ZNF560: variants seen among roughly 807,000 people sequenced by gnomAD.
ZNF560 encodes the protein zinc finger protein 560.
Under a neutral mutation model 81.8 loss-of-function variants are expected in ZNF560, and 54 were observed. That is an observed-to-expected ratio of 0.66 (90% confidence interval 0.53 to 0.83). ZNF560 has a LOEUF of 0.83. ZNF560 is among the 40% of genes least tolerant of loss of function. The pLI is 0.00. For missense variants in ZNF560, 940 were observed against 932.4 expected, an observed-to-expected ratio of 1.01 and a Z score of -0.11; for synonymous variants, 321 against 317.9, an observed-to-expected ratio of 1.01 and a Z score of -0.10.
At chr19:9,486,331 CAT>C (rs1379263486) in intron 2 of ZNF560, among the ~76,000 whole-genome samples, 1 of 152,202 alleles carries the variant, frequency 6.6e-6, no homozygotes, top group Non-Finnish European at 1.5e-5. Flanking sequence ...CAGCAATACA[CAT>C]AAACTCCAAC....
intron 2 of ZNF560, among the ~76,000 whole-genome samples, chr19:9,497,483 C>A (rs1247237890): frequency 7.0e-6 from 1 of 143,268 alleles, no homozygotes; most frequent in Non-Finnish European, 1.5e-5. Flanking sequence ...TGCAGTGAGG[C>A]GAGATCGCGC....
At chr19:9,457,341 C>A in the ZNF560 span, among the ~76,000 whole-genome samples, 1 of 152,192 alleles carries the variant, frequency 6.6e-6, no homozygotes, top group African/African-American at 2.4e-5. Flanking sequence ...TCTTTACTAT[C>A]CCCTTAGCTC....
In ZNF560 at chr19:9,469,155, C is replaced by T. The variant is rs1263338583; in HGVS notation, c.562G>A (p.Ala188Thr). The change falls in exon 9 of 10, where the codon GCC (alanine) becomes ACC (threonine). Residue 188 changes from alanine (A) to threonine (T), a missense_variant. By Grantham distance (58) the Ala-to-Thr change is moderately conservative. Transcript: ENST00000301480. ...AAACAAAAATTATCTTGCCAAAGGGCTGGCCCTTTGGTTTTCAGGCACATT... is the reference window on the plus strand; with the variant it reads ...AAACAAAAATTATCTTGCCAAAGGGTTGGCCCTTTGGTTTTCAGGCACATT... Reference protein sequence around the residue: ...WKMCLKTKGPALWQDNFCLKT... With the variant: ...WKMCLKTKGPTLWQDNFCLKT... The T allele has an allele frequency of 1.3e-6, 2 of 1,598,564 alleles. No homozygotes were observed. The highest frequency in any genetic ancestry group is 1.7e-6 in the Non-Finnish European group (2 of 1,174,394).
intron 2 of ZNF560, among the ~76,000 whole-genome samples, chr19:9,494,884 A>G (rs1350392066): frequency 1.3e-5 from 2 of 152,068 alleles, no homozygotes; most frequent in Non-Finnish European, 2.9e-5. Flanking sequence ...TCCAGACAGC[A>G]ATAAGAGTGA....
At chr19:9,479,040 C>A (rs1304076621) in intron 2 of ZNF560, among the ~76,000 whole-genome samples, 1 of 152,022 alleles carries the variant, frequency 6.6e-6, no homozygotes, top group South Asian at 2.1e-4. Context: ...GTGACGGGCA[C>A]CTGTAATCCC....
At chr19:9,503,610 C>G (rs1295679673), upstream of ZNF560, among the ~76,000 whole-genome samples, 3 of 152,210 alleles carry the variant, frequency 2.0e-5, no homozygotes, top group African/African-American at 7.2e-5. Context: ...TCACAGCTTA[C>G]TGCAGCCTCA....
chr19:9,463,971 T>G (rs900647078), downstream of ZNF560, among the ~76,000 whole-genome samples: 2 of 152,202 alleles, frequency 1.3e-5, no homozygotes, highest in African/African-American at 4.8e-5. Flanking sequence ...GCATAAGCTA[T>G]TACACCCAGC....
chr19:9,461,896 A>C (rs1297321952), downstream of ZNF560, among the ~76,000 whole-genome samples: 3 of 152,224 alleles, frequency 2.0e-5, no homozygotes, highest in Non-Finnish European at 4.4e-5. Flanking sequence ...AATGCCAGGA[A>C]CTGGAGTGCT....
At chr19:9,452,272 C>T in the ZNF560 span, among the ~76,000 whole-genome samples, 1 of 152,006 alleles carries the variant, frequency 6.6e-6, no homozygotes, top group Non-Finnish European at 1.5e-5. Context: ...AACATGTTGG[C>T]CAGGATGCAG....
At chr19:9,468,535 T>G (rs373031680) in intron 9 of ZNF560, among the ~76,000 whole-genome samples, 1 of 152,296 alleles carries the variant, frequency 6.6e-6, no homozygotes, top group East Asian at 1.9e-4. Context: ...CTTGGCAAGA[T>G]TCCTGTAGCT....
chr19:9,497,121 A>C (rs902256835), intron 2 of ZNF560, among the ~76,000 whole-genome samples: 1 of 151,810 alleles, frequency 6.6e-6, no homozygotes, highest in Non-Finnish European at 1.5e-5. Flanking sequence ...GCCTCAAAAA[A>C]ACTCTCAAAA....
At chr19:9,504,867 AC>A in the ZNF560 span, among the ~76,000 whole-genome samples, 1 of 152,152 alleles carries the variant, frequency 6.6e-6, no homozygotes, top group Non-Finnish European at 1.5e-5. Context: ...AGGGTGGATC[AC>A]AAGGTCAAGA....
chr19:9,478,646 T>A (rs1030448518), intron 2 of ZNF560, among the ~76,000 whole-genome samples: 2 of 151,916 alleles, frequency 1.3e-5, no homozygotes, highest in Non-Finnish European at 2.9e-5. Context: ...AAAAATAAAA[T>A]GAGGAGAGGT....
At chr19:9,478,392 A>C (rs755516601) in intron 2 of ZNF560, among the ~76,000 whole-genome samples, 1 of 152,228 alleles carries the variant, frequency 6.6e-6, no homozygotes, top group Non-Finnish European at 1.5e-5. Context: ...CAGACCTAAT[A>C]AGAAATGCTA....
chr19:9,489,992 T>C (rs1020290365), intron 2 of ZNF560, among the ~76,000 whole-genome samples: 5 of 152,224 alleles, frequency 3.3e-5, no homozygotes, highest in Non-Finnish European at 5.9e-5. Context: ...GGCATGATTC[T>C]AATAGCTAAA....
chr19:9,502,803 C>A (rs977835172), upstream of ZNF560, among the ~76,000 whole-genome samples: 1 of 151,838 alleles, frequency 6.6e-6, no homozygotes, highest in African/African-American at 2.4e-5. Flanking sequence ...TTGTAGTGTG[C>A]CCCAGTTTCA....
downstream of ZNF560, among the ~76,000 whole-genome samples, chr19:9,463,836 T>C (rs538331483): frequency 6.6e-6 from 1 of 152,166 alleles, no homozygotes; most frequent in African/African-American, 2.4e-5. Flanking sequence ...GCACGTGCCA[T>C]CACACCAGGC....
At chr19:9,486,523 T>A (rs1311509730) in intron 2 of ZNF560, among the ~76,000 whole-genome samples, 1 of 152,168 alleles carries the variant, frequency 6.6e-6, no homozygotes, top group Admixed American at 6.5e-5. Flanking sequence ...GTGGATCACC[T>A]GAGGTTAGGA....
Position 9,467,656 on chromosome 19 carries a change from T to C in ZNF560, c.1291A>G (p.Thr431Ala), listed in dbSNP as rs748878356. Reference protein sequence around the residue: ...EHIRCHAREKTFKCDHCGKAF... With the variant: ...EHIRCHAREKAFKCDHCGKAF... ...TTCCCACAGTGGTCACATTTAAAGG[T>C]TTTCTCTCTGGCGTGACATCTTATA... is the stretch of plus-strand genomic sequence containing the variant. Residue 431 changes from threonine to alanine, a missense_variant, in exon 10 of 10, where the codon ACC becomes GCC. Thr to Ala is a moderately conservative substitution (Grantham distance 58). Transcript: ENST00000301480. 6.2e-6 allele frequency: 10 copies of C among 1,613,738 alleles called. No individual in the cohort carries two copies. Among genetic ancestry groups the C allele is most frequent in the Non-Finnish European group, 7.6e-6 (9 of 1,179,912 alleles).
Sources: gnomAD v4.1 joint callset for allele counts (sites outside exome capture counted in the v4.1 genomes callset) on GRCh38, gnomAD v4.1.1 for gene constraint, MANE v1.5 for transcripts, NCBI Gene and HGNC (gene_info 2026-07-23, HGNC 2026-07-21) for gene names.